The following ASIC2 variants were observed in gnomAD, a reference collection of about 807,000 sequenced individuals.
ASIC2 encodes the protein acid sensing ion channel subunit 2, also known as acid-sensing ion channel 2.
ASIC2 carries 25 observed loss-of-function variants against 57.3 expected under a neutral mutation model. That is an observed-to-expected ratio of 0.44 (90% CI 0.32 to 0.61). The LOEUF is 0.61. Ranked by LOEUF, ASIC2 falls within the 20% of genes least tolerant of loss-of-function variation. The pLI is 0.06. For missense variants in ASIC2, 641 were observed against 738.1 expected, an observed-to-expected ratio of 0.87 and a Z score of 1.52; for synonymous variants, 319 against 307.5, an observed-to-expected ratio of 1.04 and a Z score of -0.39.
intron 1 of ASIC2, among the ~76,000 whole-genome samples, chr17:33,647,155 C>G (rs1482136837): frequency 1.3e-5 from 2 of 152,146 alleles, no homozygotes; most frequent in Admixed American, 1.3e-4. Flanking sequence ...TGGAAAGCAC[C>G]TGCCTGGGGT....
chr17:33,917,620 C>T (rs1156624274), intron 1 of ASIC2, among the ~76,000 whole-genome samples: 1 of 152,172 alleles, frequency 6.6e-6, no homozygotes, highest in Non-Finnish European at 1.5e-5. Flanking sequence ...TTAATCTATT[C>T]TCATGAATGA....
chr17:34,153,718 C>A (rs1364128076), intron 1 of ASIC2, among the ~76,000 whole-genome samples: 1 of 152,182 alleles, frequency 6.6e-6, no homozygotes, highest in Non-Finnish European at 1.5e-5. Context: ...GAGGCTCACC[C>A]CCTTTTCAAT....
At chr17:33,774,791 G>A (rs1911215411) in intron 1 of ASIC2, among the ~76,000 whole-genome samples, 1 of 152,204 alleles carries the variant, frequency 6.6e-6, no homozygotes, top group Non-Finnish European at 1.5e-5. Flanking sequence ...AGCAGTGTCT[G>A]CAACATGTAC....
chr17:33,796,516 T>G (rs12603776), intron 1 of ASIC2, among the ~76,000 whole-genome samples: 104,303 of 152,096 alleles, frequency 0.69, 36,583 homozygotes, highest in Non-Finnish European at 0.77. Flanking sequence ...ATACTGATAT[T>G]ACAAAGGAAA....
chr17:34,038,174 A>G, intron 1 of ASIC2: 1 of 1,612,596 alleles, frequency 6.2e-7, no homozygotes, highest in Non-Finnish European at 8.5e-7. Context: ...GTCATAGTGT[A>G]TGATGGGAGG....
intron 1 of ASIC2, among the ~76,000 whole-genome samples, chr17:33,789,501 C>CACACAT (rs1491161874): frequency 7.9e-4 from 119 of 151,316 alleles, no homozygotes; most frequent in African/African-American, 2.6e-3. Flanking sequence ...CACACACACA[C>CACACAT]ACGTGCAGCA....
At chr17:33,071,779 G>A (rs1421790100) in intron 3 of ASIC2, among the ~76,000 whole-genome samples, 1 of 152,204 alleles carries the variant, frequency 6.6e-6, no homozygotes, top group Non-Finnish European at 1.5e-5. Flanking sequence ...AAACAAAGCA[G>A]CTTTTAGTTT....
chr17:33,325,178 A>C (rs1907025408), intron 1 of ASIC2, among the ~76,000 whole-genome samples: 2 of 152,224 alleles, frequency 1.3e-5, no homozygotes, highest in African/African-American at 4.8e-5. Flanking sequence ...TGGAGCTCAT[A>C]GTCCAGTGAG....
chr17:33,874,682 C>T (rs141550757), intron 1 of ASIC2, among the ~76,000 whole-genome samples: 35 of 152,338 alleles, frequency 2.3e-4, no homozygotes, highest in East Asian at 2.1e-3. Flanking sequence ...TTTCTATCAC[C>T]GTCCTACTGG....
chr17:34,062,389 A>C (rs1239377315), intron 1 of ASIC2, among the ~76,000 whole-genome samples: 2 of 152,176 alleles, frequency 1.3e-5, no homozygotes, highest in Non-Finnish European at 2.9e-5. Flanking sequence ...TTAAGAGCAA[A>C]GTTCATAGCC....
chr17:34,093,399 C>T (rs1241998108), intron 1 of ASIC2, among the ~76,000 whole-genome samples: 1 of 152,182 alleles, frequency 6.6e-6, no homozygotes, highest in Non-Finnish European at 1.5e-5. Flanking sequence ...TATTTCTGTC[C>T]TCCAGCCTCA....
intron 1 of ASIC2, among the ~76,000 whole-genome samples, chr17:33,626,874 A>G (rs1234019547): frequency 6.6e-6 from 1 of 152,032 alleles, no homozygotes; most frequent in Non-Finnish European, 1.5e-5. Flanking sequence ...TATGAACACA[A>G]TTCTGACCAT....
intron 1 of ASIC2, among the ~76,000 whole-genome samples, chr17:33,523,981 C>T (rs568873532): frequency 6.6e-6 from 1 of 152,172 alleles, no homozygotes; most frequent in South Asian, 2.1e-4. Context: ...ACCCCTGGGC[C>T]TTCTTGTCTC....
intron 1 of ASIC2, among the ~76,000 whole-genome samples, chr17:33,151,580 G>A (rs994001593): frequency 3.3e-5 from 5 of 152,084 alleles, no homozygotes; most frequent in African/African-American, 1.2e-4. Flanking sequence ...GACTTTTAAG[G>A]GGTGTTTAGG....
In ASIC2 at chr17:33,111,908, C is replaced by T; in HGVS notation, c.859+9G>A. 4.4e-6 allele frequency: 7 copies of T among 1,608,038 alleles called. No homozygotes were observed. Among genetic ancestry groups the T allele is most frequent in the Non-Finnish European group, 5.9e-6 (7 of 1,177,092 alleles). ...ATCACCCAATGCCCGGTCCCTGTGC[C>T]CAGCTCACCTGTCTCTCCCCAGATG... On this transcript the variant is annotated intron_variant, in intron 2 of 9. Coordinates refer to ENST00000225823, the MANE Select transcript of ASIC2 (RefSeq NM_183377.2).
intron 1 of ASIC2, among the ~76,000 whole-genome samples, chr17:33,193,010 C>T (rs1205894867): frequency 6.6e-6 from 1 of 152,174 alleles, no homozygotes; most frequent in African/African-American, 2.4e-5. Context: ...AGGGCAGAAG[C>T]TTGCTAAGCA....
At chr17:33,437,807 C>T (rs899692675) in intron 1 of ASIC2, among the ~76,000 whole-genome samples, 2 of 152,016 alleles carry the variant, frequency 1.3e-5, no homozygotes, top group Non-Finnish European at 2.9e-5. Flanking sequence ...AAAACAAACC[C>T]AAAAAACTTC....
chr17:33,125,864 CT>C (rs1156429900), intron 1 of ASIC2, among the ~76,000 whole-genome samples: 1 of 152,230 alleles, frequency 6.6e-6, no homozygotes, highest in Non-Finnish European at 1.5e-5. Context: ...CTTCACACCC[CT>C]ACCTCCCCTC....
intron 1 of ASIC2, among the ~76,000 whole-genome samples, chr17:33,628,682 T>A (rs901319074): frequency 2.6e-5 from 4 of 152,152 alleles, no homozygotes; most frequent in African/African-American, 9.7e-5. Context: ...GTTTAGCCTG[T>A]GTCCATGCCT....
Sources: allele counts gnomAD v4.1 joint callset (sites outside exome capture counted in the v4.1 genomes callset), GRCh38; gene constraint gnomAD v4.1.1; transcripts MANE v1.5; gene names NCBI Gene and HGNC (gene_info 2026-07-23, HGNC 2026-07-21).